Variants in RPS6KA3 observed in about 807,000 individuals in gnomAD.
The protein encoded by RPS6KA3 is ribosomal protein S6 kinase alpha-3.
RPS6KA3 carries 4 observed loss-of-function variants against 67.2 expected under a neutral mutation model. That is an observed-to-expected ratio of 0.06 (90% CI 0.03 to 0.14). RPS6KA3 has a LOEUF of 0.14. Ranked by LOEUF, RPS6KA3 falls within the 10% of genes least tolerant of loss-of-function variation. The pLI is 1.00. For synonymous variants in RPS6KA3, 182 were observed against 183.7 expected, an observed-to-expected ratio of 0.99 and a Z score of 0.07; for missense variants, 204 against 559.0, an observed-to-expected ratio of 0.36 and a Z score of 6.40.
chrX:20,203,967 A>G lies in RPS6KA3; in HGVS notation c.325+55T>C, dbSNP rs186007968. The G allele has an allele frequency of 2.4e-4, 214 of 890,119 alleles. 2 individuals are homozygous for G. In the African/African-American group the frequency reaches 3.1e-3, roughly 13 times the overall value. The allele number at this position is 890,119 out of a possible 1,213,427, so 73.4% of individuals were successfully genotyped here. A position where few individuals can be genotyped will look rare whatever the true frequency, so the allele number is the denominator to read the frequency against. ...CCAAGGAGTCCCATGAGCTCTATTGAGACCTTTCAGTTTGTTTAGACTACA... is the reference window on the plus strand; with the variant it reads ...CCAAGGAGTCCCATGAGCTCTATTGGGACCTTTCAGTTTGTTTAGACTACA... On this transcript the variant is annotated intron_variant, in intron 4 of 21. Coordinates refer to ENST00000379565, the MANE Select transcript of RPS6KA3 (RefSeq NM_004586.3).
intron 3 of RPS6KA3, among the ~76,000 whole-genome samples, chrX:20,205,754 G>A (rs981420297): frequency 7.1e-5 from 8 of 112,098 alleles, no homozygotes; most frequent in Non-Finnish European, 1.3e-4. Flanking sequence ...GAGATAATTA[G>A]GATTTATTTG....
At chrX:20,204,884 G>A (rs187142181) in intron 3 of RPS6KA3, among the ~76,000 whole-genome samples, 256 of 111,422 alleles carry the variant, frequency 2.3e-3, no homozygotes, top group Non-Finnish European at 3.2e-3. Flanking sequence ...TGGGCAACAA[G>A]AGCCAGACTC....
At chrX:20,157,687 T>A (rs746280560) in intron 20 of RPS6KA3, among the ~76,000 whole-genome samples, 2 of 110,339 alleles carry the variant, frequency 1.8e-5, no homozygotes, top group East Asian at 5.7e-4. Context: ...TAAAAGGGAC[T>A]TTTTAAGAGG....
rs1267421565 is a variant in RPS6KA3, at chrX:20,153,705, C to T, written c.*1693G>A. On this transcript the variant is annotated 3_prime_UTR_variant, in exon 22 of 22. Transcript: ENST00000379565. ...TGTGATCTTGGCTCACTGCAACCAC[C>T]ACCTCCCAGGTTCAAGCGATTCTCC... The T allele has an allele frequency of 9.1e-6, 1 of 109,857 alleles. No individual in the cohort carries two copies. The highest frequency in any genetic ancestry group is 1.9e-5 in the Non-Finnish European group (1 of 52,701). The allele number at this position is 109,857 out of a possible 1,213,427, so 9.1% of individuals were successfully genotyped here. A position where few individuals can be genotyped will look rare whatever the true frequency, so the allele number is the denominator to read the frequency against.
chrX:20,209,873 A>G (rs922684107), intron 2 of RPS6KA3, among the ~76,000 whole-genome samples: 1 of 112,393 alleles, frequency 8.9e-6, no homozygotes, highest in African/African-American at 3.2e-5. Flanking sequence ...GTTGAAAAAT[A>G]TTCCAGGGTA....
intron 6 of RPS6KA3, 57 bp downstream of exon 6, chrX:20,194,132 G>A: frequency 1.4e-6 from 1 of 734,415 alleles, no homozygotes; most frequent in Non-Finnish European, 2.1e-6. Context: ...ACATAACAAA[G>A]CTTTAGTTCA....
At chrX:20,247,774 G>A (rs758293387) in intron 1 of RPS6KA3, among the ~76,000 whole-genome samples, 29 of 99,195 alleles carry the variant, frequency 2.9e-4, no homozygotes, top group African/African-American at 1.0e-3. Flanking sequence ...GCGACAGAGC[G>A]AGACTCCGTC....
chrX:20,156,226 A>G lies in RPS6KA3; in HGVS notation c.1983T>C (p.His661=), dbSNP rs1191823884. ...CAGTCAGTCTCTGATGAGGGTCTAC[A>G]TGAAGCATCTTTGACACCAGGTCCT... ...TAKDLVSKML[H]VDPHQRLTAA... Residue 661 remains histidine (H), a synonymous_variant, in exon 21 of 22, where the codon CAT becomes CAC. Transcript: ENST00000379565. 4 of 1,208,999 alleles carry G rather than the reference A, an allele frequency of 3.3e-6. No homozygotes were observed. The highest frequency in any genetic ancestry group is 3.4e-6 in the Non-Finnish European group (3 of 894,192).
chrX:20,256,188 A>AAG (rs2070054429), intron 1 of RPS6KA3, among the ~76,000 whole-genome samples: 1 of 104,134 alleles, frequency 9.6e-6, no homozygotes, highest in Admixed American at 1.1e-4. Context: ...AAAAAAAAAA[A>AAG]AAAAAAAAAA....
intron 1 of RPS6KA3, among the ~76,000 whole-genome samples, chrX:20,244,637 GAT>G (rs2069637650): frequency 8.9e-6 from 1 of 112,066 alleles, no homozygotes; most frequent in South Asian, 3.6e-4. Context: ...TTGCAGATAA[GAT>G]AATTAAATTC....
intron 14 of RPS6KA3, 113 bp from the exon 15 acceptor site, chrX:20,172,984 G>C (rs1197395601): frequency 1.6e-6 from 1 of 615,494 alleles, no homozygotes; most frequent in Non-Finnish European, 2.6e-6. Flanking sequence ...AAATGAATAA[G>C]AATAAAAATA....
At chrX:20,201,491 C>T (rs1185788653) in intron 4 of RPS6KA3, among the ~76,000 whole-genome samples, 2 of 111,169 alleles carry the variant, frequency 1.8e-5, no homozygotes, top group African/African-American at 6.5e-5. Flanking sequence ...TGAACATTTC[C>T]CCAAAGATTA....
At chrX:20,237,307 C>T (rs1313320531) in intron 1 of RPS6KA3, among the ~76,000 whole-genome samples, 1 of 111,402 alleles carries the variant, frequency 9.0e-6, no homozygotes, top group Non-Finnish European at 1.9e-5. Context: ...CACAGACTTG[C>T]CCCCATGACT....
At chrX:20,226,082 T>C (rs2069113937) in intron 2 of RPS6KA3, among the ~76,000 whole-genome samples, 1 of 111,478 alleles carries the variant, frequency 9.0e-6, no homozygotes, top group Non-Finnish European at 1.9e-5. Flanking sequence ...CTTGGGAGGC[T>C]GAGGCAGGAG....
At chrX:20,255,789 C>CAAAAAAAAAAAA (rs766544803) in intron 1 of RPS6KA3, among the ~76,000 whole-genome samples, 1 of 17,146 alleles carries the variant, frequency 5.8e-5, no homozygotes, top group Non-Finnish European at 8.7e-5. Flanking sequence ...AATTTCGTCT[C>CAAAAAAAAAAAA]AAAAAAAAAA....
intron 20 of RPS6KA3, among the ~76,000 whole-genome samples, chrX:20,160,365 T>C (rs1420117536): frequency 1.8e-5 from 2 of 112,268 alleles, no homozygotes; most frequent in Non-Finnish European, 3.8e-5. Context: ...CCCAGAGAAA[T>C]GAATTATCTG....
chrX:20,252,007 T>C (rs1221518366), intron 1 of RPS6KA3, among the ~76,000 whole-genome samples: 1 of 112,223 alleles, frequency 8.9e-6, no homozygotes, highest in Non-Finnish European at 1.9e-5. Flanking sequence ...GCTCTGTTCA[T>C]TTTCCAGTTT....
At position 20,188,491 on chromosome X, in the gene RPS6KA3, T is replaced by C; in HGVS notation, c.631+6A>G. ...TATTTTAATAAAACGAGGATTTTTT[T>C]TTTACCTGTTAACTTGATGTGACCT... On this transcript the variant is annotated splice_donor_region_variant and intron_variant, in intron 8 of 21. Coordinates refer to ENST00000379565, the MANE Select transcript of RPS6KA3 (RefSeq NM_004586.3). 2.0e-6 allele frequency: 2 copies of C among 995,773 alleles called. No homozygotes were observed. The highest frequency in any genetic ancestry group is 2.8e-6 in the Non-Finnish European group (2 of 706,892). The allele number at this position is 995,773 out of a possible 1,213,427, so 82.1% of individuals were successfully genotyped here. A position where few individuals can be genotyped will look rare whatever the true frequency, so the allele number is the denominator to read the frequency against.
chrX:20,216,469 C>T (rs1472323875), intron 2 of RPS6KA3, among the ~76,000 whole-genome samples: 8 of 110,532 alleles, frequency 7.2e-5, no homozygotes, highest in African/African-American at 1.3e-4. Flanking sequence ...AAAACTTTGC[C>T]GTTTTGACAA....
Sources: allele counts gnomAD v4.1 joint callset (sites outside exome capture counted in the v4.1 genomes callset), GRCh38; gene constraint gnomAD v4.1.1; transcripts MANE v1.5; gene names NCBI Gene and HGNC (gene_info 2026-07-23, HGNC 2026-07-21).